CNKSR2: variants seen among roughly 807,000 people sequenced by gnomAD.
CNKSR2 encodes connector enhancer of kinase suppressor of Ras 2.
Under a neutral mutation model 84.4 loss-of-function variants are expected in CNKSR2, and 14 were observed. The observed-to-expected ratio is 0.17, with a 90% CI of 0.11 to 0.26. CNKSR2 has a LOEUF of 0.26. Among genes scored for constraint, CNKSR2 ranks in the 10% least tolerant of loss-of-function variants. The pLI is 1.00. For synonymous variants in CNKSR2, 275 were observed against 277.9 expected, an observed-to-expected ratio of 0.99 and a Z score of 0.10; for missense variants, 485 against 771.2, an observed-to-expected ratio of 0.63 and a Z score of 4.40.
chrX:21,484,074 G>A (rs1279951912), intron 5 of CNKSR2, among the ~76,000 whole-genome samples: 1 of 111,773 alleles, frequency 8.9e-6, no homozygotes, highest in Admixed American at 9.5e-5. Context: ...GGCAAATCAC[G>A]AGGTCAGGAG....
At chrX:21,578,631 T>C (rs1318208353) in intron 13 of CNKSR2, among the ~76,000 whole-genome samples, 1 of 109,531 alleles carries the variant, frequency 9.1e-6, no homozygotes, top group African/African-American at 3.3e-5. Flanking sequence ...TAGCTATTCT[T>C]AACTCCATAT....
At chrX:21,497,034 T>A (rs181255996) in intron 6 of CNKSR2, among the ~76,000 whole-genome samples, 47 of 111,351 alleles carry the variant, frequency 4.2e-4, no homozygotes, top group Non-Finnish European at 7.7e-4. Flanking sequence ...GTTCCATCAC[T>A]ATCCATAATT....
rs770329895 is a variant in CNKSR2, at chrX:21,374,627, A to AGCCGCCGCC, written c.-269_-268insCGCCGCCGC. 3.3e-5 allele frequency: 16 copies of AGCCGCCGCC among 492,288 alleles called. 1 individual carries two copies. Among genetic ancestry groups the AGCCGCCGCC allele is most frequent in the South Asian group, 2.4e-4 (9 of 37,082 alleles). The allele number at this position is 492,288 out of a possible 1,213,427, so 40.6% of individuals were successfully genotyped here. A position where few individuals can be genotyped will look rare whatever the true frequency, so the allele number is the denominator to read the frequency against. On this transcript the variant is annotated 5_prime_UTR_variant, in exon 1 of 22. Transcript: ENST00000379510. ...CAGCAGCAGCAGCAGCAGCAGCAGC[A>AGCCGCCGCC]GCAGCCGCCGCCGCCGCCGCCTTAG...
intron 1 of CNKSR2, among the ~76,000 whole-genome samples, chrX:21,378,564 A>G (rs962128192): frequency 1.3e-4 from 14 of 111,429 alleles, no homozygotes; most frequent in Admixed American, 1.2e-3. Context: ...CCACTGAAAT[A>G]TAACAAAAAC....
chrX:21,391,310 C>T (rs980137020), intron 1 of CNKSR2, among the ~76,000 whole-genome samples: 1 of 112,725 alleles, frequency 8.9e-6, no homozygotes, highest in Admixed American at 9.3e-5. Context: ...TAGAGGTCAT[C>T]CATGAGGTCT....
At chrX:21,572,610 G>A (rs183304283) in intron 13 of CNKSR2, among the ~76,000 whole-genome samples, 3 of 111,276 alleles carry the variant, frequency 2.7e-5, no homozygotes, top group East Asian at 2.8e-4. Flanking sequence ...TTCACATGGC[G>A]ACAGCAAGGA....
intron 4 of CNKSR2, among the ~76,000 whole-genome samples, chrX:21,442,693 A>G (rs1354962537): frequency 9.0e-6 from 1 of 111,668 alleles, no homozygotes; most frequent in Non-Finnish European, 1.9e-5. Flanking sequence ...CTCTACCTCA[A>G]AGTTTTTCTG....
intron 11 of CNKSR2, among the ~76,000 whole-genome samples, chrX:21,554,052 A>G (rs1420151822): frequency 9.0e-6 from 1 of 111,650 alleles, no homozygotes; most frequent in Admixed American, 9.5e-5. Context: ...CTCTATGAAC[A>G]GAGACAACAT....
At chrX:21,440,998 C>T in intron 4 of CNKSR2, 1 of 254,498 alleles carries the variant, frequency 3.9e-6, no homozygotes, top group East Asian at 6.2e-5. Context: ...CTGACCTGTA[C>T]ACACACAAAC....
intron 4 of CNKSR2, among the ~76,000 whole-genome samples, chrX:21,450,210 A>G (rs2090909474): frequency 9.0e-6 from 1 of 111,398 alleles, no homozygotes; most frequent in Admixed American, 9.6e-5. Flanking sequence ...ATTCTGGTTA[A>G]TAATCACTTG....
chrX:21,585,570 A>T (rs1220406447), intron 13 of CNKSR2, among the ~76,000 whole-genome samples: 1 of 110,577 alleles, frequency 9.0e-6, no homozygotes, highest in African/African-American at 3.3e-5. Context: ...GAGGAAAAAA[A>T]TGTAATTACT....
intron 2 of CNKSR2, 53 bp downstream of exon 2, chrX:21,426,713 G>A: frequency 8.9e-7 from 1 of 1,121,294 alleles, no homozygotes; most frequent in Non-Finnish European, 1.2e-6. Flanking sequence ...TTCTTTTGTT[G>A]CTTTTCCCTT....
chrX:21,382,390 G>T (rs1370230292), intron 1 of CNKSR2, among the ~76,000 whole-genome samples: 1 of 111,395 alleles, frequency 9.0e-6, no homozygotes, highest in Non-Finnish European at 1.9e-5. Flanking sequence ...ATATCACTTA[G>T]TAAGACAACA....
intron 5 of CNKSR2, among the ~76,000 whole-genome samples, chrX:21,486,956 AG>A (rs1218281054): frequency 1.1e-4 from 12 of 111,855 alleles, no homozygotes; most frequent in Admixed American, 6.6e-4. Context: ...ATGTAAAGCA[AG>A]ACCATTTTAT....
chrX:21,465,228 C>T (rs766425971), intron 4 of CNKSR2, among the ~76,000 whole-genome samples: 3 of 111,389 alleles, frequency 2.7e-5, no homozygotes, highest in South Asian at 3.7e-4. Context: ...AATGTTTTCT[C>T]CCCTCCTACT....
intron 1 of CNKSR2, among the ~76,000 whole-genome samples, chrX:21,408,566 G>A (rs778788564): frequency 9.0e-6 from 1 of 111,065 alleles, no homozygotes; most frequent in South Asian, 3.8e-4. Flanking sequence ...TACATGTGTT[G>A]GATCTTTGCC....
chrX:21,590,764 CT>C, intron 14 of CNKSR2, 144 bp downstream of exon 14: 2 of 553,973 alleles, frequency 3.6e-6, no homozygotes, highest in Non-Finnish European at 5.7e-6. Context: ...CCAGCTTCTT[CT>C]TCAGTGCAAT....
At chrX:21,649,170 CTA>C in intron 21 of CNKSR2, 143 bp downstream of exon 21, 1 of 439,812 alleles carries the variant, frequency 2.3e-6, no homozygotes, top group Non-Finnish European at 4.0e-6. Context: ...TGAGCTATTT[CTA>C]TGTCATAATA....
At chrX:21,614,180 T>A (rs1235182840) in intron 20 of CNKSR2, among the ~76,000 whole-genome samples, 1 of 110,807 alleles carries the variant, frequency 9.0e-6, no homozygotes, top group East Asian at 2.8e-4. Flanking sequence ...TCAATCATTT[T>A]AAGGGTCCTA....
Sources: allele counts gnomAD v4.1 joint callset (sites outside exome capture counted in the v4.1 genomes callset), GRCh38; gene constraint gnomAD v4.1.1; transcripts MANE v1.5; gene names NCBI Gene and HGNC (gene_info 2026-07-23, HGNC 2026-07-21).